TTLL13: variants seen among roughly 807,000 people sequenced by gnomAD.
TTLL13 encodes the protein tubulin polyglutamylase TTLL13.
chr15:90,257,421 G>T, the TTLL13 span: 1 of 1,301,962 alleles, frequency 7.7e-7, no homozygotes, highest in Non-Finnish European at 1.0e-6. Context: ...TAGCTGGGAG[G>T]CAAGTGTTTG....
chr15:90,261,123 G>A, the TTLL13 span, among the ~76,000 whole-genome samples: 1 of 144,402 alleles, frequency 6.9e-6, no homozygotes, highest in Admixed American at 7.1e-5. Flanking sequence ...CTGTCATCTA[G>A]GCTGGAGTGC....
At chr15:90,257,503 A>G in the TTLL13 span, 1 of 995,636 alleles carries the variant, frequency 1.0e-6, no homozygotes, top group East Asian at 2.6e-5. Flanking sequence ...ATCATCTAGA[A>G]TAGCAGTCCT....
chr15:90,253,677 G>A, the TTLL13 span, among the ~76,000 whole-genome samples: 1 of 152,160 alleles, frequency 6.6e-6, no homozygotes, highest in South Asian at 2.1e-4. Context: ...AATACTGGGA[G>A]GCAGCTTCAG....
the TTLL13 span, chr15:90,259,194 C>T: frequency 4.2e-6 from 2 of 480,084 alleles, no homozygotes; most frequent in Non-Finnish European, 6.9e-6. Flanking sequence ...AGACTCTGTC[C>T]CTAAAACACA....
At chr15:90,258,365 G>A in the TTLL13 span, 3 of 1,068,640 alleles carry the variant, frequency 2.8e-6, no homozygotes, top group South Asian at 2.7e-5. Flanking sequence ...GTGGAACACA[G>A]AATGGGAGAT....
At chr15:90,258,342 G>A in the TTLL13 span, 1 of 1,306,388 alleles carries the variant, frequency 7.7e-7, no homozygotes, top group Non-Finnish European at 1.1e-6. Context: ...TGGGACAGGG[G>A]TACACTCAGG....
the TTLL13 span, chr15:90,255,824 A>G: frequency 1.2e-6 from 2 of 1,614,160 alleles, no homozygotes; most frequent in Non-Finnish European, 1.7e-6. Context: ...CCTCAACCGC[A>G]TGTACAAACT....
chr15:90,258,025 C>T, the TTLL13 span: 1 of 1,612,850 alleles, frequency 6.2e-7, no homozygotes, highest in East Asian at 2.2e-5. Context: ...CCTCTGAGCA[C>T]TGGGCCTCGC....
the TTLL13 span, chr15:90,262,184 T>C: frequency 1.3e-6 from 2 of 1,530,664 alleles, no homozygotes; most frequent in African/African-American, 2.8e-5. Flanking sequence ...CAGAGAGGAG[T>C]GTGCCAGGTA....
the TTLL13 span, chr15:90,263,816 G>T: frequency 1.4e-6 from 1 of 717,538 alleles, no homozygotes; most frequent in Non-Finnish European, 2.5e-6. Context: ...CTCCTAAGAG[G>T]GGCTGCCACA....
chr15:90,264,779 C>T, the TTLL13 span: 2 of 1,536,088 alleles, frequency 1.3e-6, no homozygotes, highest in Non-Finnish European at 1.7e-6. Flanking sequence ...ATCAGTGCCA[C>T]CCACTTTAAC....
the TTLL13 span, among the ~76,000 whole-genome samples, chr15:90,264,358 CT>C: frequency 6.6e-6 from 1 of 152,152 alleles, no homozygotes; most frequent in East Asian, 1.9e-4. Context: ...GCTCGGCTAA[CT>C]TTTGTATATT....
chr15:90,264,973 G>C, the TTLL13 span: 2 of 1,532,488 alleles, frequency 1.3e-6, no homozygotes, highest in East Asian at 2.4e-5. Flanking sequence ...GGTAAAAGCA[G>C]GAGGGAAGCA....
At chr15:90,250,546 C>T in the TTLL13 span, 1 of 1,500,674 alleles carries the variant, frequency 6.7e-7, no homozygotes. Context: ...CTGGTGGATT[C>T]CTTCAGGCCT....
the TTLL13 span, chr15:90,261,924 C>T: frequency 1.7e-6 from 2 of 1,193,166 alleles, no homozygotes; most frequent in Non-Finnish European, 2.2e-6. Flanking sequence ...GCAGGAGGGT[C>T]TCCAAACCTT....
chr15:90,251,025 T>A, the TTLL13 span: 1 of 1,186,626 alleles, frequency 8.4e-7, no homozygotes, highest in Non-Finnish European at 1.2e-6. Context: ...GGAGTGTCAT[T>A]AACCCTTTGA....
the TTLL13 span, chr15:90,265,188 G>A: frequency 7.5e-7 from 1 of 1,340,084 alleles, no homozygotes; most frequent in South Asian, 1.6e-5. Context: ...AGGCGCCAAG[G>A]CCAGCCATGT....
the TTLL13 span, chr15:90,257,213 T>G: frequency 6.2e-7 from 1 of 1,613,832 alleles, no homozygotes; most frequent in Non-Finnish European, 8.5e-7. Flanking sequence ...TCTCCGGATC[T>G]TCACATATGA....
At chr15:90,254,491 TAA>T in the TTLL13 span, among the ~76,000 whole-genome samples, 41 of 84,178 alleles carry the variant, frequency 4.9e-4, no homozygotes, top group Admixed American at 3.2e-4. Context: ...AGACTCCATC[TAA>T]AAAAAAAAAA....
Sources: allele counts gnomAD v4.1 joint callset (sites outside exome capture counted in the v4.1 genomes callset), GRCh38; gene constraint gnomAD v4.1.1; transcripts MANE v1.5; gene names NCBI Gene and HGNC (gene_info 2026-07-23, HGNC 2026-07-21).